Variants in LGALS4 observed in about 807,000 individuals in gnomAD.
The protein encoded by LGALS4 is galectin 4, also known as galectin-4.
In LGALS4, 37 loss-of-function variants were observed where a neutral mutation model predicts 39.6. That is an observed-to-expected ratio of 0.93 (90% CI 0.72 to 1.23). LGALS4 has a LOEUF of 1.23. Among genes scored for constraint, LGALS4 ranks in the 50% most tolerant of loss-of-function variants. The pLI, the probability that LGALS4 is intolerant of heterozygous loss-of-function variation, is 0.00. For synonymous variants in LGALS4, 160 were observed against 165.5 expected (o/e 0.97, Z 0.25); for missense variants, 397 against 433.2 (o/e 0.92, Z 0.74).
At position 38,802,088 on chromosome 19, in the gene LGALS4, G is replaced by A. The variant is rs368398848; in HGVS notation, c.729C>T (p.Asn243=). ...IALHINPRMG[N]GTVVRNSLLN... Reference sequence around the variant, plus strand: ...GAAGGCTGTTCCGGACCACGGTACCGTTGCCCATGCGGGGATTAATGTGCA... The same window carrying A: ...GAAGGCTGTTCCGGACCACGGTACCATTGCCCATGCGGGGATTAATGTGCA... Residue 243 remains asparagine, a synonymous_variant, in exon 9 of 10, where the codon AAC becomes AAT. Transcript: ENST00000307751. 425 of 1,614,096 alleles carry A rather than the reference G, an allele frequency of 2.6e-4. 1 individual carries two copies. The highest frequency in any genetic ancestry group is 3.4e-4 in the Non-Finnish European group (396 of 1,180,044).
chr19:38,806,643 G>C (rs1395323473), intron 3 of LGALS4, 48 bp from the exon 4 acceptor site: 1 of 1,606,262 alleles, frequency 6.2e-7, no homozygotes, highest in African/African-American at 1.3e-5. Context: ...ATGATCCTGG[G>C]AAGGTACAAA....
Position 38,812,867 on chromosome 19 carries a change from G to T in LGALS4, c.20C>A (p.Pro7Gln). The T allele has an allele frequency of 1.2e-6, 2 of 1,612,022 alleles. No individual in the cohort carries two copies. Among genetic ancestry groups the T allele is most frequent in the Non-Finnish European group, 1.7e-6 (2 of 1,179,968 alleles). MAYVPA[P>Q]GYQPTYNPTL... ...CGGGTTGTAGGTGGGCTGGTAGCCCGGTGCGGGGACATAGGCCATCGCTCG... is the reference window on the plus strand; with the variant it reads ...CGGGTTGTAGGTGGGCTGGTAGCCCTGTGCGGGGACATAGGCCATCGCTCG... Residue 7 changes from proline (P) to glutamine (Q), a missense_variant, in exon 1 of 10, where the codon CCG becomes CAG. Transcript: ENST00000307751.
rs1971454069 is a variant in LGALS4, at chr19:38,808,739, CAGA to C, written c.339+2_339+4del. 1 of 1,612,792 alleles carries C rather than the reference CAGA, an allele frequency of 6.2e-7. No homozygotes were observed. The highest frequency in any genetic ancestry group is 1.3e-5 in the African/African-American group (1 of 74,894). ...CTTGGGAAACAAGAGAGAAAGCATG[CAGA>C]CCTTGTAGTGCTCAGCCAGGACTAT... is the stretch of plus-strand genomic sequence containing the variant. On this transcript the variant is annotated splice_donor_variant and splice_donor_region_variant and intron_variant, in intron 3 of 9. Transcript: ENST00000307751. LOFTEE classifies it high-confidence loss of function.
Position 38,802,324 on chromosome 19 carries a change from T to C in LGALS4, c.651A>G (p.Thr217=), listed in dbSNP as rs775502985. The change falls in exon 8 of 10, where the codon ACA becomes ACG. Residue 217 remains threonine, a synonymous_variant. Coordinates refer to ENST00000307751, the MANE Select transcript of LGALS4 (RefSeq NM_006149.4). ...CCTAGTTTACGTTATACCTCTTGCCTGTGGGAGGCACATAGCCCTTGATGA... is the reference window on the plus strand; with the variant it reads ...CCTAGTTTACGTTATACCTCTTGCCCGTGGGAGGCACATAGCCCTTGATGA... ...TIIIKGYVPP[T]GKSFAINFKV... is the part of the protein sequence containing the mutation. 6.2e-7 allele frequency: 1 copy of C among 1,614,028 alleles called. No homozygotes were observed. Among genetic ancestry groups the C allele is most frequent in the Non-Finnish European group, 8.5e-7 (1 of 1,179,888 alleles).
At position 38,802,000 on chromosome 19, in the gene LGALS4, A is replaced by T. The variant is rs772075044; in HGVS notation, c.817T>A (p.Phe273Ile). The T allele has an allele frequency of 8.7e-6, 14 of 1,613,970 alleles. No homozygotes were observed. In the East Asian group the frequency reaches 1.6e-4, roughly 18 times the overall value. ...ITHNPFGPGQ[F>I]FDLSIRCGLD... ...AGAGAGCTCAGACTCACATCAAAGAACTGTCCGGGACCAAATGGGTTGTGG... is the reference window on the plus strand; with the variant it reads ...AGAGAGCTCAGACTCACATCAAAGATCTGTCCGGGACCAAATGGGTTGTGG... Residue 273 changes from phenylalanine (F) to isoleucine (I), a missense_variant, in exon 9 of 10, where the codon TTC becomes ATC. By Grantham distance (21) the Phe-to-Ile change is conservative. Coordinates refer to ENST00000307751, the MANE Select transcript of LGALS4 (RefSeq NM_006149.4).
chr19:38,811,839 C>T (rs953401510), intron 2 of LGALS4, among the ~76,000 whole-genome samples: 1 of 151,872 alleles, frequency 6.6e-6, no homozygotes, highest in African/African-American at 2.4e-5. Context: ...CATGGTGAAA[C>T]CCCATCTCTA....
intron 1 of LGALS4, 79 bp downstream of exon 1, chr19:38,812,763 A>C: frequency 6.6e-7 from 1 of 1,507,194 alleles, no homozygotes; most frequent in Non-Finnish European, 9.1e-7. Context: ...GGGGCCCCCC[A>C]GGATCAGAGT....
At chr19:38,803,415 T>A in intron 7 of LGALS4, 107 bp downstream of exon 7, 1 of 1,139,086 alleles carries the variant, frequency 8.8e-7, no homozygotes, top group Non-Finnish European at 1.3e-6. Context: ...ACCCTTCCCC[T>A]ACCTCCCACC....
intron 2 of LGALS4, among the ~76,000 whole-genome samples, chr19:38,810,431 T>C (rs975435019): frequency 9.4e-5 from 14 of 148,692 alleles, no homozygotes; most frequent in Non-Finnish European, 1.6e-4. Flanking sequence ...GGCGCAATCT[T>C]GGCTCACTGC....
At position 38,812,400 on chromosome 19, in the gene LGALS4, C is replaced by A. The variant is rs201434657; in HGVS notation, c.134+31G>T. The A allele has an allele frequency of 5.6e-6, 9 of 1,600,630 alleles. No homozygotes were observed. In the Admixed American group the frequency reaches 8.3e-5, roughly 15 times the overall value. On this transcript the variant is annotated intron_variant, in intron 2 of 9. Coordinates refer to ENST00000307751, the MANE Select transcript of LGALS4 (RefSeq NM_006149.4). Reference sequence around the variant, plus strand: ...AGAGCACCCAGTTGGAAGTCCCCTGCCAGCCCGGCCTGGCTTGGGGAGGGT... The same window carrying A: ...AGAGCACCCAGTTGGAAGTCCCCTGACAGCCCGGCCTGGCTTGGGGAGGGT...
intron 8 of LGALS4, 26 bp downstream of exon 8, chr19:38,802,290 G>A (rs377023305): frequency 1.2e-6 from 2 of 1,606,570 alleles, no homozygotes; most frequent in Non-Finnish European, 1.7e-6. Context: ...AGGGGGCTGG[G>A]GGTTCCCACC....
rs11881973 is a variant in LGALS4 at position 38,803,826 on chromosome 19, C to A, written c.501+43G>T. 149,520 of 1,612,686 alleles carry A rather than the reference C, an allele frequency of 0.093. 9,463 individuals carry two copies. The highest frequency in any genetic ancestry group is 0.29 in the African/African-American group (21,613 of 74,894). ...AGGAAGGGTGAGAGGGGCTGAGGGA[C>A]CCCACTAGGGAGGAAGACCCTCACC... On this transcript the variant is annotated intron_variant, in intron 5 of 9. Coordinates refer to ENST00000307751, the MANE Select transcript of LGALS4 (RefSeq NM_006149.4).
At position 38,808,746 on chromosome 19, in the gene LGALS4, TGTA is replaced by T; in HGVS notation, c.334_336del (p.Tyr112del). 6.2e-7 allele frequency: 1 copy of T among 1,613,728 alleles called. No homozygotes were observed. The highest frequency in any genetic ancestry group is 8.5e-7 in the Non-Finnish European group (1 of 1,179,842). ...AACAAGAGAGAAAGCATGCAGACCT[TGTA>T]GTGCTCAGCCAGGACTATGAAGACC... On this transcript the variant is annotated inframe_deletion, in exon 3 of 10. Transcript: ENST00000307751.
chr19:38,802,084 TA>T lies in LGALS4; in HGVS notation c.732del (p.Thr245ProfsTer8). On this transcript the variant is annotated frameshift_variant, in exon 9 of 10. Coordinates refer to ENST00000307751, the MANE Select transcript of LGALS4 (RefSeq NM_006149.4). LOFTEE classifies it high-confidence loss of function. ...TTCAGAAGGCTGTTCCGGACCACGG[TA>T]CCGTTGCCCATGCGGGGATTAATGT... Reference protein sequence around the residue: ...ALHINPRMGNGTVVRNSLLNG... With the variant: ...ALHINPRMGNXTVVRNSLLNG... 1 of 1,614,188 alleles carries T rather than the reference TA, an allele frequency of 6.2e-7. No individual in the cohort carries two copies. Among genetic ancestry groups the T allele is most frequent in the Non-Finnish European group, 8.5e-7 (1 of 1,180,028 alleles).
intron 3 of LGALS4, 74 bp from the exon 4 acceptor site, chr19:38,806,669 G>A: frequency 2.0e-6 from 3 of 1,537,908 alleles, no homozygotes; most frequent in Non-Finnish European, 2.7e-6. Context: ...AGCAAGGGCA[G>A]GGCACCCTGG....
At chr19:38,812,766 A>G in intron 1 of LGALS4, 76 bp downstream of exon 1, 1 of 1,517,224 alleles carries the variant, frequency 6.6e-7, no homozygotes, top group South Asian at 1.1e-5. Context: ...GCCCCCCAGG[A>G]TCAGAGTGGG....
intron 2 of LGALS4, 105 bp downstream of exon 2, chr19:38,812,326 C>T: frequency 2.2e-6 from 2 of 925,964 alleles, no homozygotes; most frequent in South Asian, 1.5e-5. Flanking sequence ...AAAGAGTCCC[C>T]TCTCCACCAG....
intron 4 of LGALS4, 94 bp from the exon 5 acceptor site, chr19:38,803,989 C>T (rs1190209361): frequency 1.5e-6 from 2 of 1,338,958 alleles, no homozygotes; most frequent in East Asian, 2.5e-5. Context: ...GGCCCACCAC[C>T]ACCACCACTA....
chr19:38,806,530 G>A lies in LGALS4; in HGVS notation c.405C>T (p.His135=). Residue 135 remains histidine (H), a synonymous_variant, in exon 4 of 10, where the codon CAC becomes CAT. Coordinates refer to ENST00000307751, the MANE Select transcript of LGALS4 (RefSeq NM_006149.4). ...GTTGCAGATCCCCATCCACTTGCAG[G>A]TGGGTGACCATCTGTAGGGGAAGCC... The part of the protein sequence containing the change: ...GHRLPLQMVT[H]LQVDGDLQLQ... The A allele has an allele frequency of 6.2e-7, 1 of 1,614,062 alleles. No homozygotes were observed. Among genetic ancestry groups the A allele is most frequent in the Non-Finnish European group, 8.5e-7 (1 of 1,179,916 alleles).
Sources: allele counts gnomAD v4.1 joint callset (sites outside exome capture counted in the v4.1 genomes callset), GRCh38; gene constraint gnomAD v4.1.1; transcripts MANE v1.5; gene names NCBI Gene and HGNC (gene_info 2026-07-23, HGNC 2026-07-21).